The following AIG1 variants were observed in gnomAD, a reference collection of about 807,000 sequenced individuals.
AIG1 encodes androgen induced 1.
In AIG1, 23 loss-of-function variants were observed where a neutral mutation model predicts 31.4. The observed-to-expected ratio is 0.73, with a 90% CI of 0.53 to 1.04. The LOEUF is 1.04. Ranked by LOEUF, AIG1 falls within the 50% of genes least tolerant of loss-of-function variation. AIG1 has a pLI of 0.00. For missense variants in AIG1, 274 were observed against 295.0 expected (o/e 0.93, Z 0.52); for synonymous variants, 100 against 110.5 (o/e 0.90, Z 0.60).
intron 3 of AIG1, among the ~76,000 whole-genome samples, chr6:143,235,641 G>A (rs1233044326): frequency 1.3e-5 from 2 of 152,180 alleles, no homozygotes; most frequent in Non-Finnish European, 2.9e-5. Context: ...GAAAAGTCTA[G>A]GTTCCTGGCT....
chr6:143,213,508 CTTT>C (rs746350692), intron 3 of AIG1, among the ~76,000 whole-genome samples: 80 of 61,186 alleles, frequency 1.3e-3, no homozygotes, highest in African/African-American at 4.1e-3. Flanking sequence ...TTTCTTTCTT[CTTT>C]TTTTTTTTTT....
Position 143,293,202 on chromosome 6 carries a change from C to G in AIG1, c.515+8977C>G, listed in dbSNP as rs1026106023. On this transcript the variant is annotated intron_variant, in intron 4 of 5. Transcript: ENST00000357847. This position sits in a 1 kb window ranked among gnomAD's most constrained non-coding sequence, Gnocchi z 4.8. The stretch of plus-strand genomic sequence containing the variant: ...AGAAAGGCTCATTTTCTTTTTTTCT[C>G]TCTCTCTCTTCCCCGCCACCCTTAT... Among the ~76,000 whole-genome samples the G allele has an allele frequency of 6.6e-6, 1 of 151,998 alleles. No individual in the cohort carries two copies. Among genetic ancestry groups the G allele is most frequent in the Non-Finnish European group, 1.5e-5 (1 of 67,994 alleles).
chr6:143,165,544 C>G (rs1235145898), intron 3 of AIG1, among the ~76,000 whole-genome samples: 2 of 152,040 alleles, frequency 1.3e-5, no homozygotes, highest in Non-Finnish European at 2.9e-5. Context: ...CAGCCACCAC[C>G]AGCCCTCCGC....
intron 4 of AIG1, among the ~76,000 whole-genome samples, chr6:143,311,541 T>A (rs1030769912): frequency 6.6e-6 from 1 of 151,868 alleles, no homozygotes; most frequent in African/African-American, 2.4e-5. Context: ...ACAACATCAA[T>A]AAGCTAAAGA....
chr6:143,268,985 C>G lies in AIG1; in HGVS notation c.400-15125C>G, dbSNP rs1796329016. On this transcript the variant is annotated intron_variant, in intron 3 of 5. Transcript: ENST00000357847. The surrounding 1 kb of genome is among the most constrained non-coding windows in gnomAD (Gnocchi z 5.0). ...GGTATAAAGACCTGACCCACTTCCT[C>G]TATTAGGGGCAACTCTGAAGGGCAG... 6.6e-6 allele frequency among the ~76,000 whole-genome samples: 1 copy of G among 152,218 alleles called. No individual in the cohort carries two copies. The highest frequency in any genetic ancestry group is 1.5e-5 in the Non-Finnish European group (1 of 68,034).
At chr6:143,110,960 A>G (rs1781226181) in intron 1 of AIG1, among the ~76,000 whole-genome samples, 1 of 152,238 alleles carries the variant, frequency 6.6e-6, no homozygotes, top group South Asian at 2.1e-4. Flanking sequence ...TCTTTGATTT[A>G]CCATCCCCAG....
chr6:143,311,583 A>G (rs1461774994), intron 4 of AIG1, among the ~76,000 whole-genome samples: 1 of 151,936 alleles, frequency 6.6e-6, no homozygotes, highest in African/African-American at 2.4e-5. Flanking sequence ...AAGATGCACA[A>G]GAAGAATTTG....
rs1195587443 is a variant in AIG1 at position 143,298,144 on chromosome 6, A to C, written c.515+13919A>C. Among the ~76,000 whole-genome samples, 1 of 152,150 alleles carries C rather than the reference A, an allele frequency of 6.6e-6. No homozygotes were observed. Among genetic ancestry groups the C allele is most frequent in the Non-Finnish European group, 1.5e-5 (1 of 68,024 alleles). On this transcript the variant is annotated intron_variant, in intron 4 of 5. Transcript: ENST00000357847. The surrounding 1 kb of genome is among the most constrained non-coding windows in gnomAD (Gnocchi z 5.1). ...ATGTACGTTTTCTACCTCTGCTGGA[A>C]GACTGCAACAAAGAAGTGACAATTC...
At chr6:143,187,631 T>C in intron 3 of AIG1, 2 of 1,536,126 alleles carry the variant, frequency 1.3e-6, no homozygotes, top group South Asian at 1.2e-5. Flanking sequence ...TTCTGCAGCA[T>C]TTCAAAGCTT....
intron 2 of AIG1, among the ~76,000 whole-genome samples, chr6:143,151,537 T>C (rs1785222747): frequency 6.6e-6 from 1 of 152,154 alleles, no homozygotes; most frequent in South Asian, 2.1e-4. Context: ...CCTAGCCCCA[T>C]AGCAATTCCA....
intron 1 of AIG1, among the ~76,000 whole-genome samples, chr6:143,069,515 A>G (rs1351872736): frequency 1.3e-5 from 2 of 152,096 alleles, no homozygotes. Flanking sequence ...CTTTTATTTC[A>G]GCCATTCTAA....
intron 4 of AIG1, among the ~76,000 whole-genome samples, chr6:143,301,284 A>G (rs1798808460): frequency 1.3e-5 from 2 of 152,214 alleles, no homozygotes; most frequent in South Asian, 4.1e-4. Flanking sequence ...TATGCCTAAC[A>G]TTGATCAGCC....
intron 2 of AIG1, among the ~76,000 whole-genome samples, chr6:143,158,267 C>T (rs1477162836): frequency 6.6e-6 from 1 of 152,206 alleles, no homozygotes; most frequent in Non-Finnish European, 1.5e-5. Context: ...ATCATCACCT[C>T]TGACCCCTAA....
At chr6:143,208,479 T>C (rs1008952942) in intron 3 of AIG1, among the ~76,000 whole-genome samples, 1 of 152,150 alleles carries the variant, frequency 6.6e-6, no homozygotes. Flanking sequence ...AACTCTGTTA[T>C]ATAATCAGGG....
rs534719226 is a variant in AIG1, at chr6:143,288,903, G to C, written c.515+4678G>C. ...AGTAGTGGGTGGTTACAAGTCATAG[G>C]TGAATTCAAAGATTTCTGTGGTTGG... On this transcript the variant is annotated intron_variant, in intron 4 of 5. Transcript: ENST00000357847. The surrounding 1 kb of genome is among the most constrained non-coding windows in gnomAD (Gnocchi z 4.4). Among the ~76,000 whole-genome samples, 2 of 152,202 alleles carry C rather than the reference G, an allele frequency of 1.3e-5. No homozygotes were observed. The highest frequency in any genetic ancestry group is 4.8e-5 in the African/African-American group (2 of 41,446).
In AIG1 at chr6:143,339,836, T is replaced by C. The variant is rs1231537479; in HGVS notation, c.*160T>C. On this transcript the variant is annotated 3_prime_UTR_variant, in exon 6 of 6. Transcript: ENST00000357847. ...TTTTATATATAAATATGTATAAACA[T>C]AGAATACAGTTGTTTCCAAAAGAAC... 5 of 554,038 alleles carry C rather than the reference T, an allele frequency of 9.0e-6. No homozygotes were observed. The Admixed American group carries it at 1.9e-4, about 21-fold the overall frequency. 34.3% of individuals were successfully genotyped at this position (554,038 alleles called of 1,614,324 possible).
intron 2 of AIG1, among the ~76,000 whole-genome samples, chr6:143,147,649 G>A (rs563067739): frequency 6.6e-6 from 1 of 152,194 alleles, no homozygotes; most frequent in African/African-American, 2.4e-5. Context: ...CAACGTTTTG[G>A]TCTGAATATT....
At chr6:143,071,983 G>C (rs1777330539) in intron 1 of AIG1, among the ~76,000 whole-genome samples, 1 of 151,678 alleles carries the variant, frequency 6.6e-6, no homozygotes, top group Admixed American at 6.6e-5. Context: ...GTGCAGACAG[G>C]GCTTTGCTGC....
chr6:143,151,615 A>G (rs1211833156), intron 2 of AIG1, among the ~76,000 whole-genome samples: 1 of 152,212 alleles, frequency 6.6e-6, no homozygotes, highest in Non-Finnish European at 1.5e-5. Flanking sequence ...CTTGTAGCCC[A>G]GGACACTCTG....
Sources: allele counts gnomAD v4.1 joint callset (sites outside exome capture counted in the v4.1 genomes callset), GRCh38; gene constraint gnomAD v4.1.1; non-coding constraint Gnocchi (gnomAD v3.1); transcripts MANE v1.5; gene names NCBI Gene and HGNC (gene_info 2026-07-23, HGNC 2026-07-21).